Variants in IYD observed in about 807,000 individuals in gnomAD.
The protein encoded by IYD is iodotyrosine deiodinase.
IYD carries 25 observed loss-of-function variants against 28.4 expected under a neutral mutation model. That is an observed-to-expected ratio of 0.88 (90% confidence interval 0.64 to 1.23). The LOEUF is 1.23. Among genes scored for constraint, IYD ranks in the 50% most tolerant of loss-of-function variants. The probability of loss-of-function intolerance (pLI) is 0.00; values close to 1 mark genes in which losing one functional copy is unlikely to be tolerated. For synonymous variants in IYD, 140 were observed against 130.8 expected, an observed-to-expected ratio of 1.07 and a Z score of -0.48; for missense variants, 352 against 357.9, an observed-to-expected ratio of 0.98 and a Z score of 0.13.
chr6:150,396,612 C>T (rs1466471675), intron 4 of IYD: 14 of 532,384 alleles, frequency 2.6e-5, no homozygotes, highest in South Asian at 4.8e-5. Flanking sequence ...CGGTGGCTCA[C>T]GCCTCTAATC....
intron 2 of IYD, 112 bp downstream of exon 2, chr6:150,389,655 G>C: frequency 1.0e-6 from 1 of 986,420 alleles, no homozygotes; most frequent in Admixed American, 1.7e-5. Context: ...AGAGTGATAT[G>C]TTTATCTATA....
At chr6:150,394,483 T>C (rs1452049190) in intron 4 of IYD, among the ~76,000 whole-genome samples, 1 of 152,180 alleles carries the variant, frequency 6.6e-6, no homozygotes, top group East Asian at 1.9e-4. Context: ...TGGTGTTGTG[T>C]TTGCAGTCAT....
Position 150,388,486 on chromosome 6 carries a change from A to T in IYD, c.179-866A>T, listed in dbSNP as rs569878425. On this transcript the variant is annotated intron_variant, in intron 1 of 4. Coordinates refer to ENST00000344419, the MANE Select transcript of IYD (RefSeq NM_203395.3). ...CAACGATTTTAAAAAAGACTTTGAA[A>T]AATACTTTATTTAGAGATCTGAGTG... Among the ~76,000 whole-genome samples the T allele has an allele frequency of 3.9e-5, 6 of 152,278 alleles. No individual in the cohort carries two copies. The East Asian group carries it at 1.2e-3, about 29-fold the overall frequency.
At chr6:150,379,330 C>T (rs1282843805) in intron 1 of IYD, among the ~76,000 whole-genome samples, 1 of 152,210 alleles carries the variant, frequency 6.6e-6, no homozygotes, top group Non-Finnish European at 1.5e-5. Flanking sequence ...CCAGCATCGT[C>T]CCCCAGTCAA....
chr6:150,379,592 A>C (rs1355931195), intron 1 of IYD, among the ~76,000 whole-genome samples: 2 of 152,238 alleles, frequency 1.3e-5, no homozygotes. Context: ...GTTTAAATAT[A>C]TAAGGAATAA....
chr6:150,375,511 C>T (rs1777414368), intron 1 of IYD, among the ~76,000 whole-genome samples: 1 of 152,158 alleles, frequency 6.6e-6, no homozygotes, highest in African/African-American at 2.4e-5. Flanking sequence ...AAACAAAAGC[C>T]TTGTGACTCT....
rs372716452 is a variant in IYD at position 150,397,586 on chromosome 6, A to AAC, written c.688-469_688-468insAC. The stretch of plus-strand genomic sequence containing the variant: ...CTTTGTCTCAAAAAAAAAACAAAAA[A>AAC]CAAAACCGAATATGTATATTTAGTA... On this transcript the variant is annotated intron_variant, in intron 4 of 4. Coordinates refer to ENST00000344419, the MANE Select transcript of IYD (RefSeq NM_203395.3). 1.8e-5 allele frequency among the ~76,000 whole-genome samples: 2 copies of AAC among 110,186 alleles called. 1 individual carries two copies. The highest frequency in any genetic ancestry group is 5.8e-4 in the South Asian group (2 of 3,450). The allele number at this position is 110,186 out of a possible 152,430, so 72.3% of individuals were successfully genotyped here.
At chr6:150,395,393 G>T in intron 4 of IYD, 1 of 1,536,844 alleles carries the variant, frequency 6.5e-7, no homozygotes, top group Non-Finnish European at 8.7e-7. Flanking sequence ...ATGTGTTTTA[G>T]GTTTTTGGAA....
In IYD at chr6:150,399,951, C is replaced by T. The variant is rs34257671; in HGVS notation, c.*1714C>T. ...TGAATTGCGGGGGACACAAACATTC[C>T]GTCCATGGCACCTACTTCATAGGGT... On this transcript the variant is annotated 3_prime_UTR_variant, in exon 5 of 5. Coordinates refer to ENST00000344419, the MANE Select transcript of IYD (RefSeq NM_203395.3). 0.059 allele frequency: 9,055 copies of T among 152,304 alleles called. 360 individuals are homozygous for T. Among genetic ancestry groups the T allele is most frequent in the South Asian group, 0.1 (492 of 4,826 alleles). 9.4% of individuals were successfully genotyped at this position (152,304 alleles called of 1,614,324 possible).
rs909257549 is a variant in IYD at position 150,370,450 on chromosome 6, T to C, written c.178+1241T>C. 3 of 980,350 alleles carry C rather than the reference T, an allele frequency of 3.1e-6. No individual in the cohort carries two copies. In the East Asian group the frequency reaches 3.4e-4, roughly 112 times the overall value. The allele number at this position is 980,350 out of a possible 1,614,324, so 60.7% of individuals were successfully genotyped here. A position where few individuals can be genotyped will look rare whatever the true frequency, so the allele number is the denominator to read the frequency against. On this transcript the variant is annotated intron_variant, in intron 1 of 4. Coordinates refer to ENST00000344419, the MANE Select transcript of IYD (RefSeq NM_203395.3). The stretch of plus-strand genomic sequence containing the variant: ...GTGTGTTTGTGAGAGAGTGTGTGCA[T>C]GAGTGTGTGTCCTAATCTCAGGACC...
At chr6:150,372,711 G>A (rs1341954465) in intron 1 of IYD, among the ~76,000 whole-genome samples, 1 of 72,480 alleles carries the variant, frequency 1.4e-5, no homozygotes, top group Non-Finnish European at 2.6e-5. Flanking sequence ...TGTGTTGGGG[G>A]TGGTGAGGGA....
intron 1 of IYD, among the ~76,000 whole-genome samples, chr6:150,373,369 T>G (rs1243738892): frequency 1.3e-5 from 2 of 152,176 alleles, no homozygotes; most frequent in African/African-American, 4.8e-5. Context: ...AACCAATCAG[T>G]GTCAGCCTCA....
intron 1 of IYD, among the ~76,000 whole-genome samples, chr6:150,377,623 T>G (rs552255903): frequency 6.6e-6 from 1 of 152,244 alleles, no homozygotes; most frequent in Admixed American, 6.5e-5. Flanking sequence ...ATTAGGAGAG[T>G]CTGCCTTGGA....
At chr6:150,381,154 A>G (rs377613602) in intron 1 of IYD, among the ~76,000 whole-genome samples, 2 of 152,226 alleles carry the variant, frequency 1.3e-5, no homozygotes, top group Non-Finnish European at 2.9e-5. Context: ...TACTCATTGT[A>G]TTAAACTCCA....
At chr6:150,382,119 T>C (rs543786101) in intron 1 of IYD, among the ~76,000 whole-genome samples, 17 of 152,130 alleles carry the variant, frequency 1.1e-4, no homozygotes, top group Non-Finnish European at 1.9e-4. Context: ...CTGCTGTAGA[T>C]AGCTATCTCT....
At chr6:150,389,760 A>C in intron 2 of IYD, 1 of 535,164 alleles carries the variant, frequency 1.9e-6, no homozygotes, top group Non-Finnish European at 3.4e-6. Context: ...AAGATGTGAC[A>C]ATAGTTCAAA....
intron 1 of IYD, among the ~76,000 whole-genome samples, chr6:150,377,241 C>T (rs1039438578): frequency 1.3e-4 from 20 of 152,164 alleles, no homozygotes; most frequent in East Asian, 3.9e-4. Context: ...TGTGGACCTT[C>T]GAGCTTGAAT....
chr6:150,376,600 T>C (rs896461096), intron 1 of IYD, among the ~76,000 whole-genome samples: 3 of 152,148 alleles, frequency 2.0e-5, no homozygotes, highest in African/African-American at 7.2e-5. Context: ...GCAAGGGATC[T>C]TAAGACAATT....
chr6:150,370,129 C>T, intron 1 of IYD: 1 of 679,730 alleles, frequency 1.5e-6, no homozygotes, highest in Non-Finnish European at 2.7e-6. Flanking sequence ...ATGATGCCCC[C>T]ATCCCCAAAC....
Sources: gnomAD v4.1 joint callset for allele counts (sites outside exome capture counted in the v4.1 genomes callset) on GRCh38, gnomAD v4.1.1 for gene constraint, MANE v1.5 for transcripts, NCBI Gene and HGNC (gene_info 2026-07-23, HGNC 2026-07-21) for gene names.